Variants in SUPT3H observed in about 807,000 individuals in gnomAD.
SUPT3H encodes the protein transcription initiation protein SPT3 homolog.
Under a neutral mutation model 44.3 loss-of-function variants are expected in SUPT3H, and 44 were observed. The observed-to-expected ratio is 0.99, with a 90% CI of 0.78 to 1.28. The LOEUF (loss-of-function observed/expected upper bound fraction) is 1.28, where lower values mean the gene tolerates loss of function less well. Among genes scored for constraint, SUPT3H ranks in the 50% most tolerant of loss-of-function variants. The pLI is 0.00. For missense variants in SUPT3H, 380 were observed against 387.1 expected, an observed-to-expected ratio of 0.98 and a Z score of 0.15; for synonymous variants, 124 against 125.6, an observed-to-expected ratio of 0.99 and a Z score of 0.09.
At chr6:44,945,281 C>T (rs1274341752) in intron 9 of SUPT3H, among the ~76,000 whole-genome samples, 2 of 152,118 alleles carry the variant, frequency 1.3e-5, no homozygotes, top group African/African-American at 4.8e-5. Flanking sequence ...CACAACAATA[C>T]TGAAATTAGG....
At chr6:45,289,008 T>C (rs1442945339) in intron 2 of SUPT3H, among the ~76,000 whole-genome samples, 1 of 152,060 alleles carries the variant, frequency 6.6e-6, no homozygotes, top group African/African-American at 2.4e-5. Flanking sequence ...ATAGGAGCTA[T>C]TTCTCTCTAC....
intron 2 of SUPT3H, among the ~76,000 whole-genome samples, chr6:45,302,754 G>A (rs953101736): frequency 6.6e-6 from 1 of 151,870 alleles, no homozygotes; most frequent in Non-Finnish European, 1.5e-5. Context: ...GTTCTTTAAG[G>A]AATCTCCACA....
intron 6 of SUPT3H, among the ~76,000 whole-genome samples, chr6:45,002,327 T>C (rs1363784585): frequency 6.6e-6 from 1 of 152,032 alleles, no homozygotes; most frequent in Non-Finnish European, 1.5e-5. Context: ...CTCTTCTTGA[T>C]TGTGGAATGC....
At chr6:45,266,457 A>G (rs1775283247) in intron 2 of SUPT3H, among the ~76,000 whole-genome samples, 1 of 151,992 alleles carries the variant, frequency 6.6e-6, no homozygotes, top group African/African-American at 2.4e-5. Flanking sequence ...CTTAAAAAAT[A>G]TTTCTAGGAT....
intron 2 of SUPT3H, among the ~76,000 whole-genome samples, chr6:45,121,603 T>A (rs758618704): frequency 3.9e-5 from 6 of 152,050 alleles, no homozygotes; most frequent in Admixed American, 3.3e-4. Context: ...AACCTGTTCA[T>A]AATGCAGTAT....
At chr6:45,236,006 C>T (rs1202476038) in intron 2 of SUPT3H, among the ~76,000 whole-genome samples, 5 of 152,150 alleles carry the variant, frequency 3.3e-5, no homozygotes, top group Non-Finnish European at 7.3e-5. Flanking sequence ...TGTTTTGGCC[C>T]ATCCCTTTTT....
Position 44,938,881 on chromosome 6 carries a change from C to T in SUPT3H, c.802-6118G>A, listed in dbSNP as rs574799719. Among the ~76,000 whole-genome samples the T allele has an allele frequency of 5.3e-5, 8 of 152,074 alleles. No individual in the cohort carries two copies. The East Asian group carries it at 7.7e-4, about 15-fold the overall frequency. On this transcript the variant is annotated intron_variant, in intron 9 of 10. Transcript: ENST00000371459. ...TTGATTTCTTTCTCAGCTAGATTATCGGTGAATAGAAACACTACTGATTTT... is the reference window on the plus strand; with the variant it reads ...TTGATTTCTTTCTCAGCTAGATTATTGGTGAATAGAAACACTACTGATTTT...
intron 10 of SUPT3H, among the ~76,000 whole-genome samples, chr6:44,907,363 C>T (rs1766274804): frequency 6.6e-6 from 1 of 152,084 alleles, no homozygotes; most frequent in Non-Finnish European, 1.5e-5. Flanking sequence ...TATGTAATGT[C>T]TCAGTTTTCT....
chr6:44,932,972 C>T (rs766592454), intron 9 of SUPT3H, among the ~76,000 whole-genome samples: 2 of 152,080 alleles, frequency 1.3e-5, no homozygotes, highest in African/African-American at 2.4e-5. Context: ...ACCTACCAAA[C>T]GCAATTTTTA....
At chr6:44,895,181 G>A (rs1223216104) in intron 10 of SUPT3H, among the ~76,000 whole-genome samples, 1 of 150,228 alleles carries the variant, frequency 6.7e-6, no homozygotes, top group African/African-American at 2.4e-5. Context: ...AAAGTCAGAT[G>A]TATCAGAGGT....
intron 10 of SUPT3H, among the ~76,000 whole-genome samples, chr6:44,834,039 CAA>C (rs1769352006): frequency 6.6e-6 from 1 of 152,096 alleles, no homozygotes; most frequent in African/African-American, 2.4e-5. Flanking sequence ...ACATTGCACC[CAA>C]ATCACTTGGG....
At position 44,890,773 on chromosome 6, in the gene SUPT3H, A is replaced by AATAATAAT. The variant is rs34596153; in HGVS notation, c.912+41879_912+41880insATTATTAT. On this transcript the variant is annotated intron_variant, in intron 10 of 10. Coordinates refer to ENST00000371459, the MANE Select transcript of SUPT3H (RefSeq NM_003599.4). ...TAAAGTATAATAATAATAATAATAA[A>AATAATAAT]AAAAAAAGAAAATGTGGCACACATG... is the stretch of plus-strand genomic sequence containing the variant. 7.4e-3 allele frequency among the ~76,000 whole-genome samples: 1,116 copies of AATAATAAT among 150,430 alleles called. 9 individuals are homozygous for AATAATAAT. Among genetic ancestry groups the AATAATAAT allele is most frequent in the Admixed American group, 0.019 (291 of 15,000 alleles).
chr6:45,194,629 T>A (rs1044381266), intron 2 of SUPT3H, among the ~76,000 whole-genome samples: 1 of 152,130 alleles, frequency 6.6e-6, no homozygotes, highest in African/African-American at 2.4e-5. Flanking sequence ...TACACACACA[T>A]ATGTATACAA....
At chr6:44,955,321 A>T (rs1353942669) in intron 7 of SUPT3H, 1 of 152,438 alleles carries the variant, frequency 6.6e-6, no homozygotes, top group African/African-American at 2.4e-5. Flanking sequence ...TAGCCTGGGG[A>T]AAGTTCTCAG....
Position 45,252,154 on chromosome 6 carries a change from T to C in SUPT3H, c.101+113047A>G, listed in dbSNP as rs79849998. ...CAACTATGTTCTACATATAATATTA[T>C]AGACATCTCATTTAGCTCTCATCAA... On this transcript the variant is annotated intron_variant, in intron 2 of 10. Coordinates refer to ENST00000371459, the MANE Select transcript of SUPT3H (RefSeq NM_003599.4). Among the ~76,000 whole-genome samples the C allele has an allele frequency of 3.3e-4, 51 of 152,246 alleles. 2 individuals are homozygous for C. The East Asian group carries it at 8.3e-3, about 25-fold the overall frequency.
intron 2 of SUPT3H, among the ~76,000 whole-genome samples, chr6:45,334,317 G>A (rs1345318986): frequency 1.3e-5 from 2 of 150,644 alleles, no homozygotes; most frequent in Non-Finnish European, 1.5e-5. Flanking sequence ...TTACATAATA[G>A]ACTAAGTTAA....
chr6:44,890,197 G>C (rs1401682457), intron 10 of SUPT3H, among the ~76,000 whole-genome samples: 1 of 149,904 alleles, frequency 6.7e-6, no homozygotes, highest in African/African-American at 2.4e-5. Context: ...GGAAGTCAGT[G>C]TGGCGATTCC....
intron 9 of SUPT3H, among the ~76,000 whole-genome samples, chr6:44,948,510 C>T (rs1582687570): frequency 6.6e-6 from 1 of 152,152 alleles, no homozygotes; most frequent in Non-Finnish European, 1.5e-5. Context: ...GGGCTAATAT[C>T]CAGAATCTAC....
At chr6:45,159,793 T>C (rs1808635227) in intron 2 of SUPT3H, among the ~76,000 whole-genome samples, 2 of 152,192 alleles carry the variant, frequency 1.3e-5, no homozygotes, top group Non-Finnish European at 2.9e-5. Flanking sequence ...GTTTCCAAAA[T>C]GTAAAAGTAA....
Sources: gnomAD v4.1 joint callset for allele counts (sites outside exome capture counted in the v4.1 genomes callset) on GRCh38, gnomAD v4.1.1 for gene constraint, MANE v1.5 for transcripts, NCBI Gene and HGNC (gene_info 2026-07-23, HGNC 2026-07-21) for gene names.